The following RBMS3 variants were observed in gnomAD, a reference collection of about 807,000 sequenced individuals.
RBMS3 encodes the protein RNA-binding motif, single-stranded-interacting protein 3.
In RBMS3, 27 loss-of-function variants were observed where a neutral mutation model predicts 66.8. The ratio of observed to expected loss-of-function variants is 0.40; its 90% CI spans 0.30 to 0.56. RBMS3 has a LOEUF of 0.56. RBMS3 is among the 20% of genes least tolerant of loss of function. RBMS3 has a pLI of 0.40. For synonymous variants in RBMS3, 188 were observed against 183.0 expected, an observed-to-expected ratio of 1.03 and a Z score of -0.22; for missense variants, 513 against 549.5, an observed-to-expected ratio of 0.93 and a Z score of 0.66.
At chr3:29,329,799 T>C (rs1286284362) in intron 1 of RBMS3, among the ~76,000 whole-genome samples, 1 of 148,722 alleles carries the variant, frequency 6.7e-6, no homozygotes, top group Non-Finnish European at 1.5e-5. Context: ...GAAAAATTTT[T>C]ATAGATTATA....
intron 2 of RBMS3, among the ~76,000 whole-genome samples, chr3:29,441,109 T>A (rs368749217): frequency 1.3e-5 from 2 of 152,314 alleles, no homozygotes; most frequent in African/African-American, 4.8e-5. Context: ...GCTTTTGAGA[T>A]GTCATAAATC....
intron 6 of RBMS3, among the ~76,000 whole-genome samples, chr3:29,792,576 C>G (rs1048871009): frequency 1.3e-5 from 2 of 152,112 alleles, no homozygotes; most frequent in Non-Finnish European, 2.9e-5. Context: ...AGCTGTATGA[C>G]CTGGGGCAAG....
intron 12 of RBMS3, among the ~76,000 whole-genome samples, chr3:29,954,587 CTTTTA>C (rs1559834203): frequency 1.3e-5 from 2 of 151,940 alleles, no homozygotes; most frequent in African/African-American, 4.8e-5. Context: ...GACAGGAAAT[CTTTTA>C]CCAATTGGTG....
chr3:29,718,473 C>T lies in RBMS3; in HGVS notation c.400-21247C>T, dbSNP rs148931242. 2.9e-3 allele frequency among the ~76,000 whole-genome samples: 445 copies of T among 152,068 alleles called. 7 individuals are homozygous for T. Among genetic ancestry groups the T allele is most frequent in the Admixed American group, 0.024 (370 of 15,244 alleles). ...TGTTCAAAAATCATGTTCTATTAAG[C>T]AAGTTTGAGCTCCAGCAGAACTGGA... is the stretch of plus-strand genomic sequence containing the variant. On this transcript the variant is annotated intron_variant, in intron 4 of 14. Coordinates refer to ENST00000383767, the MANE Select transcript of RBMS3 (RefSeq NM_001003793.3).
intron 2 of RBMS3, among the ~76,000 whole-genome samples, chr3:29,482,896 C>T (rs1192152703): frequency 1.3e-5 from 2 of 150,978 alleles, no homozygotes; most frequent in East Asian, 2.0e-4. Flanking sequence ...TTAGTATAGA[C>T]GACGTTTCAC....
rs182732230 is a variant in RBMS3 at position 29,573,309 on chromosome 3, T to A, written c.308-13805T>A. Among the ~76,000 whole-genome samples the A allele has an allele frequency of 9.1e-3, 1,379 of 152,158 alleles. 18 individuals are homozygous for A. The highest frequency in any genetic ancestry group is 0.014 in the Middle Eastern group (4 of 294). On this transcript the variant is annotated intron_variant, in intron 3 of 14. Transcript: ENST00000383767. ...CAAATTTTTATATTTTTAGTAGAGATGGGGTTTCACCATGTTGGCCAGGCT... is the reference window on the plus strand; with the variant it reads ...CAAATTTTTATATTTTTAGTAGAGAAGGGGTTTCACCATGTTGGCCAGGCT...
chr3:29,879,811 A>G (rs975186135), intron 7 of RBMS3, among the ~76,000 whole-genome samples: 5 of 151,900 alleles, frequency 3.3e-5, no homozygotes, highest in Admixed American at 3.3e-4. Context: ...AAAAAAAAAA[A>G]TAATTCAGGC....
At chr3:29,779,786 A>G (rs1156262116) in intron 6 of RBMS3, among the ~76,000 whole-genome samples, 15 of 149,124 alleles carry the variant, frequency 1.0e-4, no homozygotes, top group Admixed American at 6.7e-5. Context: ...CGAAGGCACA[A>G]AAAGATTGTA....
chr3:29,938,600 T>C, intron 11 of RBMS3, among the ~76,000 whole-genome samples: 1 of 152,022 alleles, frequency 6.6e-6, no homozygotes, highest in Non-Finnish European at 1.5e-5. Context: ...GTCACTCTAA[T>C]TCTTCGATAT....
chr3:29,942,767 A>G (rs954122944), intron 11 of RBMS3, among the ~76,000 whole-genome samples: 2 of 150,408 alleles, frequency 1.3e-5, no homozygotes, highest in Non-Finnish European at 3.0e-5. Flanking sequence ...TGTCATAAGT[A>G]TATTCTTGGA....
intron 7 of RBMS3, among the ~76,000 whole-genome samples, chr3:29,880,093 C>T (rs1165082043): frequency 6.6e-6 from 1 of 152,074 alleles, no homozygotes; most frequent in African/African-American, 2.4e-5. Flanking sequence ...CCTAATTATT[C>T]CAATATACCA....
chr3:29,868,624 T>A (rs1397471382), intron 6 of RBMS3, among the ~76,000 whole-genome samples: 2 of 152,214 alleles, frequency 1.3e-5, no homozygotes, highest in Non-Finnish European at 2.9e-5. Flanking sequence ...CTTCAACTGA[T>A]TATTTTTTCA....
At chr3:29,304,968 G>A (rs1040788798) in intron 1 of RBMS3, among the ~76,000 whole-genome samples, 1 of 151,790 alleles carries the variant, frequency 6.6e-6, no homozygotes, top group African/African-American at 2.4e-5. Context: ...CACCAAGTTT[G>A]CTCTTACCAA....
intron 4 of RBMS3, among the ~76,000 whole-genome samples, chr3:29,595,495 A>G (rs2047915898): frequency 6.6e-6 from 1 of 152,114 alleles, no homozygotes; most frequent in Non-Finnish European, 1.5e-5. Flanking sequence ...CCACAAGCTG[A>G]TCTGAGTCAA....
chr3:29,917,037 G>A (rs1249944450), intron 10 of RBMS3, among the ~76,000 whole-genome samples: 4 of 151,884 alleles, frequency 2.6e-5, no homozygotes, highest in South Asian at 2.1e-4. Context: ...TTGGAAAAAC[G>A]AAACCAGAGT....
At chr3:29,632,664 A>G (rs2049326127) in intron 4 of RBMS3, among the ~76,000 whole-genome samples, 1 of 151,864 alleles carries the variant, frequency 6.6e-6, no homozygotes, top group Non-Finnish European at 1.5e-5. Flanking sequence ...TCCAAAAGCC[A>G]AGGGAAATGA....
intron 10 of RBMS3, among the ~76,000 whole-genome samples, chr3:29,931,598 C>G (rs1158029489): frequency 6.6e-6 from 1 of 151,904 alleles, no homozygotes; most frequent in East Asian, 1.9e-4. Flanking sequence ...TTTCTTCTCC[C>G]CACAAAAGCC....
chr3:29,833,749 G>A lies in RBMS3; in HGVS notation c.638-35109G>A, dbSNP rs75321021. The stretch of plus-strand genomic sequence containing the variant: ...AGCTCCAGAAGAAGAGACAGAAAAG[G>A]AACAGAATTCTTATTTAAAGAAATA... On this transcript the variant is annotated intron_variant, in intron 6 of 14. Transcript: ENST00000383767. Among the ~76,000 whole-genome samples, 733 of 152,146 alleles carry A rather than the reference G, an allele frequency of 4.8e-3. 4 individuals carry two copies. The highest frequency in any genetic ancestry group is 8.3e-3 in the Non-Finnish European group (561 of 67,980).
chr3:29,662,361 A>G (rs1279376471), intron 4 of RBMS3, among the ~76,000 whole-genome samples: 1 of 152,208 alleles, frequency 6.6e-6, no homozygotes, highest in Admixed American at 6.5e-5. Context: ...GGGCATTAAG[A>G]TTAACTGACA....
Sources: allele counts gnomAD v4.1 joint callset (sites outside exome capture counted in the v4.1 genomes callset), GRCh38; gene constraint gnomAD v4.1.1; transcripts MANE v1.5; gene names NCBI Gene and HGNC (gene_info 2026-07-23, HGNC 2026-07-21).